The following ALDH1A1 variants were observed in gnomAD, a reference collection of about 807,000 sequenced individuals.
The protein encoded by ALDH1A1 is aldehyde dehydrogenase 1 family member A1.
ALDH1A1 carries 19 observed loss-of-function variants against 62.1 expected under a neutral mutation model. That is an observed-to-expected ratio of 0.31 (90% CI 0.21 to 0.45). The LOEUF is 0.45. ALDH1A1 is among the 20% of genes least tolerant of loss of function. ALDH1A1 has a pLI of 1.00. For synonymous variants in ALDH1A1, 231 were observed against 215.9 expected, an observed-to-expected ratio of 1.07 and a Z score of -0.61; for missense variants, 521 against 607.1, an observed-to-expected ratio of 0.86 and a Z score of 1.49.
chr9:72,904,038 T>C (rs1829841674), intron 12 of ALDH1A1, among the ~76,000 whole-genome samples: 1 of 152,088 alleles, frequency 6.6e-6, no homozygotes, highest in Non-Finnish European at 1.5e-5. Context: ...TGGCTAGGGA[T>C]TTAATATTCA....
chr9:72,902,125 G>C (rs909341219), intron 12 of ALDH1A1, among the ~76,000 whole-genome samples: 1 of 151,852 alleles, frequency 6.6e-6, no homozygotes, highest in Non-Finnish European at 1.5e-5. Context: ...AAATGATCAG[G>C]AATTAACTCA....
intron 9 of ALDH1A1, among the ~76,000 whole-genome samples, chr9:72,912,813 TA>T (rs1830008822): frequency 1.3e-5 from 2 of 152,236 alleles, no homozygotes. Flanking sequence ...CGTCTTTATT[TA>T]AACACTATTT....
chr9:72,948,698 T>C (rs1402088787), intron 1 of ALDH1A1, among the ~76,000 whole-genome samples: 1 of 151,894 alleles, frequency 6.6e-6, no homozygotes, highest in Non-Finnish European at 1.5e-5. Context: ...GATTAAAGCA[T>C]TCTCTTATTT....
At chr9:72,921,013 T>C (rs964276241) in intron 7 of ALDH1A1, among the ~76,000 whole-genome samples, 3 of 152,180 alleles carry the variant, frequency 2.0e-5, no homozygotes, top group African/African-American at 7.2e-5. Context: ...TCTGGGAGGC[T>C]GAGGCGGGCA....
At position 72,931,819 on chromosome 9, in the gene ALDH1A1, G is replaced by A. The variant is rs540881648; in HGVS notation, c.172-800C>T. Among the ~76,000 whole-genome samples, 15 of 152,276 alleles carry A rather than the reference G, an allele frequency of 9.9e-5. No homozygotes were observed. In the South Asian group the frequency reaches 1.9e-3, roughly 19 times the overall value. ...TTTAAATCCCTAATCCGATAAAGAA[G>A]TCAGTTTCTTATTAAAGATGCATGG... is the stretch of plus-strand genomic sequence containing the variant. On this transcript the variant is annotated intron_variant, in intron 2 of 12. Coordinates refer to ENST00000297785, the MANE Select transcript of ALDH1A1 (RefSeq NM_000689.5).
Position 72,930,967 on chromosome 9 carries a change from G to T in ALDH1A1, c.224C>A (p.Ser75Tyr), listed in dbSNP as rs1830273718. ...GGAAGCATCCATAGTACGCCACGGG[G>T]ATCCAATCTGAAAAGCCTGTCTTGC... ...KAARQAFQIG[S>Y]PWRTMDASER... The change falls in exon 3 of 13, where the codon TCC becomes TAC. Residue 75 changes from serine (S) to tyrosine (Y), a missense_variant. Ser to Tyr is a moderately radical substitution (Grantham distance 144, BLOSUM62 -2). Transcript: ENST00000297785. 1.2e-6 allele frequency: 2 copies of T among 1,613,904 alleles called. No homozygotes were observed. The highest frequency in any genetic ancestry group is 1.1e-5 in the South Asian group (1 of 91,086).
chr9:72,905,982 T>C lies in ALDH1A1; in HGVS notation c.1409A>G (p.Lys470Arg). Residue 470 changes from lysine to arginine, a missense_variant, in exon 12 of 13, where the codon AAG becomes AGG. By Grantham distance (26) the Lys-to-Arg change is conservative. Coordinates refer to ENST00000297785, the MANE Select transcript of ALDH1A1 (RefSeq NM_000689.5). Reference sequence around the variant, plus strand: ...CAGTTCTCTTCCATTTCCAGACATCTTGAATCCACCAAAGGGGCACTGGGC... The same window carrying C: ...CAGTTCTCTTCCATTTCCAGACATCCTGAATCCACCAAAGGGGCACTGGGC... ...VSAQCPFGGFKMSGNGRELGE... is the reference protein window; with the variant it reads ...VSAQCPFGGFRMSGNGRELGE... 6.2e-7 allele frequency: 1 copy of C among 1,612,068 alleles called. No homozygotes were observed. Among genetic ancestry groups the C allele is most frequent in the Non-Finnish European group, 8.5e-7 (1 of 1,178,786 alleles).
chr9:72,918,563 T>G (rs903890300), intron 8 of ALDH1A1, among the ~76,000 whole-genome samples, 157 bp downstream of exon 8: 2 of 151,510 alleles, frequency 1.3e-5, no homozygotes, highest in Admixed American at 1.3e-4. Context: ...ATTTAAGAGA[T>G]TTTCAAGAGT....
At chr9:72,930,179 T>C (rs1316837400) in intron 3 of ALDH1A1, among the ~76,000 whole-genome samples, 4 of 152,168 alleles carry the variant, frequency 2.6e-5, no homozygotes, top group African/African-American at 7.2e-5. Context: ...TAATGCCCAA[T>C]TGAGACAACA....
chr9:72,943,250 T>C (rs2118573276), intron 1 of ALDH1A1, among the ~76,000 whole-genome samples: 1 of 152,272 alleles, frequency 6.6e-6, no homozygotes, highest in South Asian at 2.1e-4. Flanking sequence ...TCGGACTTTC[T>C]AGTTCTCGCC....
intron 1 of ALDH1A1, among the ~76,000 whole-genome samples, chr9:72,945,950 T>TTAGTAACGTCAGTTACTAACGTCACG (rs1830468666): frequency 3.3e-5 from 5 of 151,978 alleles, no homozygotes; most frequent in Admixed American, 3.3e-4. Context: ...ATAGTCTGAC[T>TTAGTAACGTCAGTTACTAACGTCACG]TTAGTAACGT....
intron 2 of ALDH1A1, among the ~76,000 whole-genome samples, chr9:72,933,237 A>G (rs1322582966): frequency 2.0e-5 from 3 of 152,198 alleles, no homozygotes; most frequent in Non-Finnish European, 4.4e-5. Flanking sequence ...GGTTTGATAA[A>G]TATTCGACTC....
In ALDH1A1 at chr9:72,912,001, A is replaced by C; in HGVS notation, c.1157T>G (p.Val386Gly). 1 of 1,614,000 alleles carries C rather than the reference A, an allele frequency of 6.2e-7. No individual in the cohort carries two copies. The highest frequency in any genetic ancestry group is 8.5e-7 in the Non-Finnish European group (1 of 1,179,918). Residue 386 changes from valine (V) to glycine (G), a missense_variant, in exon 10 of 13, where the codon GTG becomes GGG. Physicochemically the swap from Val to Gly is moderately radical, Grantham distance 109. Transcript: ENST00000297785. Reference protein sequence around the residue: ...GNKGYFVQPTVFSNVTDEMRI... With the variant: ...GNKGYFVQPTGFSNVTDEMRI... Reference sequence around the variant, plus strand: ...CATCTCATCTGTAACATTAGAGAACACTGTGGGCTGGACAAAGTAGCCTTT... The same window carrying C: ...CATCTCATCTGTAACATTAGAGAACCCTGTGGGCTGGACAAAGTAGCCTTT...
intron 1 of ALDH1A1, among the ~76,000 whole-genome samples, chr9:72,942,822 G>C (rs928420057): frequency 6.6e-6 from 1 of 151,928 alleles, no homozygotes; most frequent in Non-Finnish European, 1.5e-5. Flanking sequence ...AGCTTACTGC[G>C]TCATCTCCTC....
At chr9:72,910,856 A>G (rs1021049911) in intron 10 of ALDH1A1, among the ~76,000 whole-genome samples, 5 of 152,174 alleles carry the variant, frequency 3.3e-5, no homozygotes, top group Non-Finnish European at 7.4e-5. Flanking sequence ...GGAACCATAT[A>G]CACAGCAGCT....
At chr9:72,929,928 T>G (rs1830259486) in intron 3 of ALDH1A1, among the ~76,000 whole-genome samples, 2 of 152,230 alleles carry the variant, frequency 1.3e-5, no homozygotes, top group African/African-American at 2.4e-5. Flanking sequence ...ACAGGTCATT[T>G]TTATTACTAT....
At chr9:72,952,631 A>C (rs1032967681) in intron 1 of ALDH1A1, among the ~76,000 whole-genome samples, 4 of 151,966 alleles carry the variant, frequency 2.6e-5, no homozygotes, top group African/African-American at 9.7e-5. Context: ...CATGCCGGCT[A>C]TAGTGAAGTT....
At chr9:72,930,760 T>C in intron 3 of ALDH1A1, 119 bp downstream of exon 3, 1 of 1,214,290 alleles carries the variant, frequency 8.2e-7, no homozygotes, top group Non-Finnish European at 1.1e-6. Flanking sequence ...GGACAAAAAA[T>C]GTTTTCATTT....
rs1829954160 is a variant in ALDH1A1 at position 72,909,633 on chromosome 9, T to A, written c.1327A>T (p.Ile443Phe). The A allele has an allele frequency of 1.2e-6, 2 of 1,613,814 alleles. No homozygotes were observed. Among genetic ancestry groups the A allele is most frequent in the Admixed American group, 3.3e-5 (2 of 59,974 alleles). Residue 443 changes from isoleucine (I) to phenylalanine (F), a missense_variant, in exon 11 of 13, where the codon ATC becomes TTC. Ile to Phe is a conservative substitution (Grantham distance 21). Transcript: ENST00000297785. ...GTTCCTGCCTGCAGAGCAGAGGAGA[T>A]TGTTATGGCTTTATCAATGTCTTTG... The part of the protein sequence containing the change: ...FTKDIDKAIT[I>F]SSALQAGTVW...
Sources: gnomAD v4.1 joint callset for allele counts (sites outside exome capture counted in the v4.1 genomes callset) on GRCh38, gnomAD v4.1.1 for gene constraint, MANE v1.5 for transcripts, NCBI Gene and HGNC (gene_info 2026-07-23, HGNC 2026-07-21) for gene names.